Variants in PDE1B observed in about 807,000 individuals in gnomAD.
PDE1B encodes phosphodiesterase 1B.
Under a neutral mutation model 66.7 loss-of-function variants are expected in PDE1B, and 13 were observed. That is an observed-to-expected ratio of 0.19 (90% CI 0.13 to 0.31). The LOEUF (loss-of-function observed/expected upper bound fraction) is 0.31, where lower values mean the gene tolerates loss of function less well. PDE1B is among the 10% of genes least tolerant of loss of function. The pLI is 1.00. For synonymous variants in PDE1B, 230 were observed against 253.9 expected, an observed-to-expected ratio of 0.91 and a Z score of 0.90; for missense variants, 485 against 682.3, an observed-to-expected ratio of 0.71 and a Z score of 3.22.
chr12:54,563,587 C>T (rs895318612), intron 2 of PDE1B, among the ~76,000 whole-genome samples: 1 of 152,176 alleles, frequency 6.6e-6, no homozygotes, highest in African/African-American at 2.4e-5. Flanking sequence ...AGAGAAGGTA[C>T]TTGTATTTGA....
chr12:54,556,272 C>A (rs1957340774), intron 2 of PDE1B, among the ~76,000 whole-genome samples: 1 of 152,094 alleles, frequency 6.6e-6, no homozygotes. Context: ...TGAAATTGTC[C>A]CCTAAGGCAG....
chr12:54,569,232 C>T lies in PDE1B; in HGVS notation c.276C>T (p.Ala92=), dbSNP rs535185955. 20 of 1,612,672 alleles carry T rather than the reference C, an allele frequency of 1.2e-5. No homozygotes were observed. The highest frequency in any genetic ancestry group is 9.3e-5 in the African/African-American group (7 of 75,018). ...AGCTGCAGGAGCTGCGGTCAGATGCCGTGCCTTCGGAGGTGCGGGACTGGC... is the reference window on the plus strand; with the variant it reads ...AGCTGCAGGAGCTGCGGTCAGATGCTGTGCCTTCGGAGGTGCGGGACTGGC... ...EDELQELRSD[A]VPSEVRDWLA... Residue 92 remains alanine (A), a synonymous_variant, in exon 4 of 16, where the codon GCC becomes GCT. Coordinates refer to ENST00000243052, the MANE Select transcript of PDE1B (RefSeq NM_000924.4). The surrounding 1 kb of genome is among the most constrained non-coding windows in gnomAD (Gnocchi z 4.4).
intron 6 of PDE1B, chr12:54,572,143 T>C (rs1957627605): frequency 6.4e-6 from 1 of 157,416 alleles, no homozygotes. Flanking sequence ...AACCCACATC[T>C]GGCTGGAAGA....
At chr12:54,576,348 C>T in intron 13 of PDE1B, 1 of 618,006 alleles carries the variant, frequency 1.6e-6, no homozygotes, top group Non-Finnish European at 2.8e-6. Context: ...TCTGGCTAAT[C>T]TTGTTTTAAT....
chr12:54,575,293 C>A lies in PDE1B; in HGVS notation c.1185+75C>A. 7.6e-7 allele frequency: 1 copy of A among 1,320,950 alleles called. No homozygotes were observed. Among genetic ancestry groups the A allele is most frequent in the Non-Finnish European group, 1.1e-6 (1 of 920,986 alleles). The allele number at this position is 1,320,950 out of a possible 1,614,324, so 81.8% of individuals were successfully genotyped here. ...CTTTTGCCCTCCAAGTTCCCCAATC[C>A]TGTTCCACATCCTCCTTTTGCTACC... On this transcript the variant is annotated intron_variant, in intron 11 of 15. Transcript: ENST00000243052. This position sits in a 1 kb window ranked among gnomAD's most constrained non-coding sequence, Gnocchi z 4.0.
intron 2 of PDE1B, among the ~76,000 whole-genome samples, chr12:54,554,829 G>A (rs2121032703): frequency 6.6e-6 from 1 of 152,278 alleles, no homozygotes; most frequent in Middle Eastern, 3.4e-3. Context: ...ATATCATCAT[G>A]TAAAAGTAAC....
chr12:54,570,473 G>A, intron 6 of PDE1B, 116 bp downstream of exon 6: 3 of 717,882 alleles, frequency 4.2e-6, no homozygotes, highest in South Asian at 1.5e-5. Flanking sequence ...CTCAACATCA[G>A]GGAAGTCTCC....
At position 54,555,413 on chromosome 12, in the gene PDE1B, G is replaced by T. The variant is rs368974223; in HGVS notation, c.113+5428G>T. On this transcript the variant is annotated intron_variant, in intron 2 of 15. Coordinates refer to ENST00000243052, the MANE Select transcript of PDE1B (RefSeq NM_000924.4). ...GGAGGTGGTTTGAAAAAAGACAGAG[G>T]ATTCCACATTTGAGGTTGCATTTGC... 3.3e-5 allele frequency among the ~76,000 whole-genome samples: 5 copies of T among 152,270 alleles called. No homozygotes were observed. The East Asian group carries it at 7.7e-4, about 24-fold the overall frequency.
intron 2 of PDE1B, chr12:54,561,543 G>A: frequency 6.7e-7 from 1 of 1,482,528 alleles, no homozygotes; most frequent in Non-Finnish European, 9.0e-7. Flanking sequence ...GGGCTCCTGG[G>A]GTCAGGATTT....
chr12:54,571,252 C>T (rs1269370317), intron 6 of PDE1B: 2 of 152,246 alleles, frequency 1.3e-5, no homozygotes, highest in Non-Finnish European at 2.9e-5. Context: ...TTGACTCCTC[C>T]TTTTACAACA....
intron 2 of PDE1B, chr12:54,561,761 CGTGT>C (rs3036634): frequency 2.6e-3 from 1,128 of 437,186 alleles, no homozygotes; most frequent in African/African-American, 4.5e-3. Flanking sequence ...ATGTTTTGTG[CGTGT>C]GTGTGTGTGT....
At chr12:54,558,272 A>C (rs1592367809) in intron 2 of PDE1B, among the ~76,000 whole-genome samples, 4 of 143,080 alleles carry the variant, frequency 2.8e-5, no homozygotes, top group South Asian at 4.6e-4. Flanking sequence ...ATCTCCCTTC[A>C]CCCTCCTGGT....
intron 2 of PDE1B, among the ~76,000 whole-genome samples, chr12:54,553,107 C>T (rs1175443575): frequency 2.0e-5 from 3 of 152,218 alleles, no homozygotes; most frequent in Admixed American, 6.5e-5. Context: ...GAGCTTGTAA[C>T]CTGCTTCAAC....
At position 54,549,950 on chromosome 12, in the gene PDE1B, C is replaced by T; in HGVS notation, c.78C>T (p.Ala26=). 6.2e-7 allele frequency: 1 copy of T among 1,614,116 alleles called. No homozygotes were observed. Among genetic ancestry groups the T allele is most frequent in the Non-Finnish European group, 8.5e-7 (1 of 1,179,974 alleles). ...DCPSPLELKS[A]PSKKMWIKLR... ...CGTCACCCCTGGAGCTGAAGTCAGC[C>T]CCCAGCAAGAAGATGTGGATTAAGC... The change falls in exon 2 of 16, where the codon GCC becomes GCT. Residue 26 remains alanine (A), a synonymous_variant. Transcript: ENST00000243052.
At chr12:54,574,288 T>C (rs1463639525) in intron 10 of PDE1B, 1 of 156,576 alleles carries the variant, frequency 6.4e-6, no homozygotes, top group African/African-American at 2.4e-5. Context: ...CTGTGTAAGG[T>C]GTTTATGTGT....
At chr12:54,560,017 T>G (rs1317920582) in intron 2 of PDE1B, among the ~76,000 whole-genome samples, 1 of 152,092 alleles carries the variant, frequency 6.6e-6, no homozygotes, top group East Asian at 1.9e-4. Flanking sequence ...TTGTGGTCAT[T>G]GTGGGGAGGG....
At position 54,579,175 on chromosome 12, in the gene PDE1B, C is replaced by A; in HGVS notation, c.*1333C>A. On this transcript the variant is annotated 3_prime_UTR_variant, in exon 16 of 16. Coordinates refer to ENST00000243052, the MANE Select transcript of PDE1B (RefSeq NM_000924.4). Reference sequence around the variant, plus strand: ...GAGAAGGGCAGAGACGCATGTGACTCACCCCTGCCCTTGGTTTCCCAGACC... The same window carrying A: ...GAGAAGGGCAGAGACGCATGTGACTAACCCCTGCCCTTGGTTTCCCAGACC... 3 of 879,094 alleles carry A rather than the reference C, an allele frequency of 3.4e-6. No homozygotes were observed. The highest frequency in any genetic ancestry group is 4.1e-6 in the Non-Finnish European group (3 of 733,184). The allele number at this position is 879,094 out of a possible 1,614,324, so 54.5% of individuals were successfully genotyped here. A position where few individuals can be genotyped will look rare whatever the true frequency, so the allele number is the denominator to read the frequency against.
At chr12:54,552,350 A>G (rs756798109) in intron 2 of PDE1B, among the ~76,000 whole-genome samples, 21 of 152,208 alleles carry the variant, frequency 1.4e-4, no homozygotes, top group Non-Finnish European at 2.6e-4. Flanking sequence ...AAGTCTGGAA[A>G]TAGGAAATAG....
chr12:54,577,772 TGAGTGGGGATCAGGACTTG>T (rs1203808349), intron 15 of PDE1B, 69 bp from the exon 16 acceptor site: 14 of 438,276 alleles, frequency 3.2e-5, no homozygotes, highest in Admixed American at 1.6e-4. Flanking sequence ...TACTCGGGAC[TGAGTGGGGATCAGGACTTG>T]GAGAAGGAAG....
Sources: gnomAD v4.1 joint callset for allele counts (sites outside exome capture counted in the v4.1 genomes callset) on GRCh38, gnomAD v4.1.1 for gene constraint, Gnocchi (gnomAD v3.1) non-coding constraint, MANE v1.5 for transcripts, NCBI Gene and HGNC (gene_info 2026-07-23, HGNC 2026-07-21) for gene names.